Variants in TBCD observed in about 807,000 individuals in gnomAD.
TBCD encodes tubulin-specific chaperone D.
A neutral mutation model predicts 169.3 loss-of-function variants in TBCD; 105 were observed. The ratio of observed to expected loss-of-function variants is 0.62; its 90% CI spans 0.53 to 0.73. The LOEUF (loss-of-function observed/expected upper bound fraction) is 0.73, where lower values mean the gene tolerates loss of function less well. Ranked by LOEUF, TBCD falls within the 30% of genes least tolerant of loss-of-function variation. The probability of loss-of-function intolerance (pLI) is 0.00; values close to 1 mark genes in which losing one functional copy is unlikely to be tolerated. For missense variants in TBCD, 1,444 were observed against 1,600.1 expected, an observed-to-expected ratio of 0.90 and a Z score of 1.66; for synonymous variants, 700 against 643.9, an observed-to-expected ratio of 1.09 and a Z score of -1.32.
At chr17:82,778,103 C>T (rs933431802) in intron 6 of TBCD, among the ~76,000 whole-genome samples, 4 of 152,220 alleles carry the variant, frequency 2.6e-5, no homozygotes, top group African/African-American at 4.8e-5. Context: ...GATTATAGAG[C>T]GAGGATTATT....
chr17:82,780,982 A>T (rs538287357), intron 6 of TBCD, among the ~76,000 whole-genome samples: 2 of 152,104 alleles, frequency 1.3e-5, no homozygotes, highest in East Asian at 3.9e-4. Flanking sequence ...TGTGTGCTCA[A>T]GGTGTCCTGC....
intron 13 of TBCD, among the ~76,000 whole-genome samples, chr17:82,852,903 G>A (rs1437071192): frequency 1.3e-5 from 2 of 152,180 alleles, no homozygotes; most frequent in African/African-American, 4.8e-5. Flanking sequence ...TGTTCGGAAA[G>A]TTAAGGGAAT....
At chr17:82,871,209 C>T (rs2057531947) in intron 14 of TBCD, among the ~76,000 whole-genome samples, 1 of 119,882 alleles carries the variant, frequency 8.3e-6, no homozygotes, top group South Asian at 3.3e-4. Flanking sequence ...GGATCTGATA[C>T]TTTTTGCTTA....
At chr17:82,867,015 C>T (rs1421201500) in intron 13 of TBCD, among the ~76,000 whole-genome samples, 2 of 152,222 alleles carry the variant, frequency 1.3e-5, no homozygotes, top group Non-Finnish European at 2.9e-5. Flanking sequence ...GACGCTGTGT[C>T]TGCACAGCTG....
At chr17:82,939,073 G>T in intron 36 of TBCD, 1 of 496,358 alleles carries the variant, frequency 2.0e-6, no homozygotes. Context: ...AGGCGAGATT[G>T]CTTCTCTGGT....
Position 82,915,757 on chromosome 17 carries a change from A to G in TBCD, c.2038+3968A>G, listed in dbSNP as rs1026866585. Reference sequence around the variant, plus strand: ...CCAGAGGCGTCACGAGAATCAGGAAAAGTTCTCCTCTCATGCCGAAGACGG... The same window carrying G: ...CCAGAGGCGTCACGAGAATCAGGAAGAGTTCTCCTCTCATGCCGAAGACGG... On this transcript the variant is annotated intron_variant, in intron 23 of 38. Coordinates refer to ENST00000355528, the MANE Select transcript of TBCD (RefSeq NM_005993.5). This position sits in a 1 kb window ranked among gnomAD's most constrained non-coding sequence, Gnocchi z 4.3. Among the ~76,000 whole-genome samples the G allele has an allele frequency of 1.3e-4, 20 of 152,142 alleles. No homozygotes were observed. Among genetic ancestry groups the G allele is most frequent in the African/African-American group, 4.8e-4 (20 of 41,432 alleles).
At chr17:82,820,270 G>A (rs564355769) in intron 13 of TBCD, among the ~76,000 whole-genome samples, 16 of 152,306 alleles carry the variant, frequency 1.1e-4, no homozygotes, top group South Asian at 4.1e-4. Context: ...GAGGCACTGC[G>A]CCCAGCCAAC....
At chr17:82,892,245 C>G (rs1567972349) in intron 16 of TBCD, among the ~76,000 whole-genome samples, 1 of 152,082 alleles carries the variant, frequency 6.6e-6, no homozygotes, top group Non-Finnish European at 1.5e-5. Context: ...CGGATGTTTC[C>G]CTGGGCTCCT....
At chr17:82,901,644 C>T (rs533088637) in intron 18 of TBCD, among the ~76,000 whole-genome samples, 2 of 151,406 alleles carry the variant, frequency 1.3e-5, no homozygotes, top group South Asian at 2.1e-4. Flanking sequence ...GGGAGCGGCC[C>T]GGCTACCTGC....
chr17:82,903,474 G>C lies in TBCD; in HGVS notation c.1800G>C (p.Thr600=). 6.3e-7 allele frequency: 1 copy of C among 1,593,666 alleles called. No individual in the cohort carries two copies. Among genetic ancestry groups the C allele is most frequent in the Non-Finnish European group, 8.5e-7 (1 of 1,170,198 alleles). ...AGCAGGCACCCGAGTTCAGCGCCAC[G>C]CAAGGTGGGTGTGTGTCCCGGCCGG... ...LAQQAPEFSA[T]QVFPRLLSMT... is the part of the protein sequence containing the mutation. The change falls in exon 19 of 39, where the codon ACG becomes ACC. Residue 600 remains threonine, a synonymous_variant. Coordinates refer to ENST00000355528, the MANE Select transcript of TBCD (RefSeq NM_005993.5). This position sits in a 1 kb window ranked among gnomAD's most constrained non-coding sequence, Gnocchi z 4.8.
chr17:82,850,146 T>TTGTTGCCTGTGCTGC (rs1567887784), intron 13 of TBCD, among the ~76,000 whole-genome samples: 1 of 23,402 alleles, frequency 4.3e-5, no homozygotes, highest in South Asian at 1.7e-3. Flanking sequence ...GGCTGTGCTG[T>TTGTTGCCTGTGCTGC]TGTTGGCTGT....
At chr17:82,819,669 C>T (rs759755088) in intron 13 of TBCD, among the ~76,000 whole-genome samples, 3 of 152,190 alleles carry the variant, frequency 2.0e-5, no homozygotes, top group Admixed American at 6.5e-5. Context: ...CCTCCTGCCT[C>T]GGCCTGTGGA....
At chr17:82,886,667 TCCCCTCCCCTCCC>T (rs1567959539) in intron 15 of TBCD, among the ~76,000 whole-genome samples, 3 of 4,082 alleles carry the variant, frequency 7.3e-4, no homozygotes, top group Admixed American at 2.8e-3. Flanking sequence ...TCCCCTCCCC[TCCCCTCCCCTCCC>T]CTCCCCTCCC....
chr17:82,774,054 T>TA (rs56914523), intron 6 of TBCD, among the ~76,000 whole-genome samples: 19 of 150,604 alleles, frequency 1.3e-4, no homozygotes, highest in African/African-American at 3.2e-4. Flanking sequence ...TTTTTTTTTT[T>TA]AATTTTTTTA....
intron 17 of TBCD, among the ~76,000 whole-genome samples, chr17:82,899,969 T>C (rs917744403): frequency 2.2e-4 from 33 of 152,250 alleles, no homozygotes; most frequent in Non-Finnish European, 3.5e-4. Flanking sequence ...GGTTTATCTT[T>C]ATATATTCTG....
At position 82,800,904 on chromosome 17, in the gene TBCD, T is replaced by A. The variant is rs556576606; in HGVS notation, c.858T>A (p.Pro286=). ...VLRCLDGCRL[P]ESNQTLLRKL... Reference sequence around the variant, plus strand: ...GGTGCCTCGATGGCTGCAGACTCCCTGAGAGCAACCAGACCCTGCTGCGGA... The same window carrying A: ...GGTGCCTCGATGGCTGCAGACTCCCAGAGAGCAACCAGACCCTGCTGCGGA... Residue 286 remains proline (P), a synonymous_variant, in exon 9 of 39, where the codon CCT becomes CCA. Coordinates refer to ENST00000355528, the MANE Select transcript of TBCD (RefSeq NM_005993.5). The A allele has an allele frequency of 6.2e-7, 1 of 1,612,868 alleles. No individual in the cohort carries two copies. Among genetic ancestry groups the A allele is most frequent in the African/African-American group, 1.3e-5 (1 of 74,990 alleles).
At position 82,831,511 on chromosome 17, in the gene TBCD, A is replaced by G. The variant is rs202180755; in HGVS notation, c.1318+16577A>G. 373 of 1,614,112 alleles carry G rather than the reference A, an allele frequency of 2.3e-4. 1 individual carries two copies. The Middle Eastern group carries it at 4.3e-3, about 19-fold the overall frequency. ...CCTGTAAAATCCGTAAGGAATCGGC[A>G]GGTTAGAGGGATATTGCTGGAAAAA... On this transcript the variant is annotated intron_variant, in intron 13 of 38. Coordinates refer to ENST00000355528, the MANE Select transcript of TBCD (RefSeq NM_005993.5). The surrounding 1 kb of genome is among the most constrained non-coding windows in gnomAD (Gnocchi z 4.6).
intron 15 of TBCD, among the ~76,000 whole-genome samples, chr17:82,887,168 TGCGCGCGC>T (rs113145269): frequency 0.044 from 5,542 of 126,164 alleles, 139 homozygotes; most frequent in Middle Eastern, 0.08. Context: ...TGTGTGTGTG[TGCGCGCGC>T]GCGCACGTGC....
chr17:82,883,027 CTT>C (rs1394722218), intron 14 of TBCD, among the ~76,000 whole-genome samples: 1 of 148,514 alleles, frequency 6.7e-6, no homozygotes, highest in Non-Finnish European at 1.5e-5. Context: ...GACCTGCTCA[CTT>C]TTCCTTAGCT....
Sources: allele counts gnomAD v4.1 joint callset (sites outside exome capture counted in the v4.1 genomes callset), GRCh38; gene constraint gnomAD v4.1.1; non-coding constraint Gnocchi (gnomAD v3.1); transcripts MANE v1.5; gene names NCBI Gene and HGNC (gene_info 2026-07-23, HGNC 2026-07-21).